FER: variants seen among roughly 807,000 people sequenced by gnomAD.
FER encodes FER tyrosine kinase.
FER carries 63 observed loss-of-function variants against 111.0 expected under a neutral mutation model. The observed-to-expected ratio is 0.57, with a 90% CI of 0.46 to 0.70. FER has a LOEUF of 0.70. FER is among the 30% of genes least tolerant of loss of function. FER has a pLI of 0.00. For missense variants in FER, 914 were observed against 954.0 expected (o/e 0.96, Z 0.55); for synonymous variants, 327 against 313.9 (o/e 1.04, Z -0.44).
chr5:109,175,869 T>C (rs1757625644), intron 17 of FER, among the ~76,000 whole-genome samples: 1 of 152,136 alleles, frequency 6.6e-6, no homozygotes, highest in African/African-American at 2.4e-5. Context: ...ATTCCAACAC[T>C]TTGGGAGGCC....
At chr5:109,029,245 CT>C (rs367692424) in intron 13 of FER, among the ~76,000 whole-genome samples, 1,620 of 125,902 alleles carry the variant, frequency 0.013, 23 homozygotes, top group African/African-American at 0.045. Flanking sequence ...TTCTTCTTAC[CT>C]TTTTTTTTTT....
At chr5:108,875,537 G>T (rs982328189) in intron 8 of FER, among the ~76,000 whole-genome samples, 3 of 151,808 alleles carry the variant, frequency 2.0e-5, no homozygotes, top group African/African-American at 7.3e-5. Context: ...AATAATTTGG[G>T]ACTCAGTAAT....
At chr5:108,768,550 C>T (rs1414725420) in intron 2 of FER, among the ~76,000 whole-genome samples, 1 of 152,194 alleles carries the variant, frequency 6.6e-6, no homozygotes, top group African/African-American at 2.4e-5. Flanking sequence ...CCAAACTGAA[C>T]ATATCATATT....
chr5:109,196,643 GAA>G lies in FER; in HGVS notation c.*9070_*9071del, dbSNP rs1321090526. The G allele has an allele frequency of 6.6e-5, 10 of 152,092 alleles. No homozygotes were observed. The highest frequency in any genetic ancestry group is 8.8e-5 in the Non-Finnish European group (6 of 68,006). 9.4% of individuals were successfully genotyped at this position (152,092 alleles called of 1,614,324 possible). A position where few individuals can be genotyped will look rare whatever the true frequency, so the allele number is the denominator to read the frequency against. ...TATTTGTTAGTTTTTACATTCAAAA[GAA>G]ATACACTTTGAACTTTGGCTAACAT... On this transcript the variant is annotated 3_prime_UTR_variant, in exon 20 of 20. Coordinates refer to ENST00000281092, the MANE Select transcript of FER (RefSeq NM_005246.4).
At chr5:108,900,939 G>A (rs909549540) in intron 10 of FER, among the ~76,000 whole-genome samples, 18 of 152,148 alleles carry the variant, frequency 1.2e-4, no homozygotes, top group African/African-American at 4.3e-4. Flanking sequence ...AACTCATGTG[G>A]AAATTTAATT....
At chr5:108,825,616 G>C (rs1479356739) in intron 3 of FER, among the ~76,000 whole-genome samples, 1 of 152,144 alleles carries the variant, frequency 6.6e-6, no homozygotes, top group African/African-American at 2.4e-5. Context: ...ATCCTCCTCA[G>C]CTGACAGGAT....
intron 3 of FER, among the ~76,000 whole-genome samples, chr5:108,810,304 T>G (rs1370047384): frequency 6.6e-6 from 1 of 152,216 alleles, no homozygotes; most frequent in Admixed American, 6.5e-5. Context: ...GTGTGTATAC[T>G]TGATCCTCGC....
intron 17 of FER, among the ~76,000 whole-genome samples, chr5:109,111,290 A>G (rs925643145): frequency 2.6e-5 from 4 of 152,188 alleles, no homozygotes; most frequent in African/African-American, 9.7e-5. Flanking sequence ...TAACAAAAAC[A>G]ACAGATCATG....
intron 10 of FER, among the ~76,000 whole-genome samples, chr5:108,904,802 A>G (rs1049398952): frequency 5.9e-5 from 9 of 152,206 alleles, no homozygotes; most frequent in Admixed American, 5.2e-4. Flanking sequence ...AGTTATAGAT[A>G]TTAATTATAA....
In FER at chr5:109,022,691, G is replaced by A. The variant is rs73211595; in HGVS notation, c.1657-14731G>A. Among the ~76,000 whole-genome samples, 1,318 of 152,166 alleles carry A rather than the reference G, an allele frequency of 8.7e-3. 19 individuals are homozygous for A. The highest frequency in any genetic ancestry group is 0.03 in the African/African-American group (1,252 of 41,514). On this transcript the variant is annotated intron_variant, in intron 13 of 19. Coordinates refer to ENST00000281092, the MANE Select transcript of FER (RefSeq NM_005246.4). ...AGATAAAGTTTCTCTGAGGAGACAC[G>A]ATTCAAGTCAAGACCTGGAACATGA...
intron 10 of FER, among the ~76,000 whole-genome samples, chr5:108,928,136 G>C (rs1203376837): frequency 1.3e-5 from 2 of 152,138 alleles, no homozygotes; most frequent in Non-Finnish European, 2.9e-5. Context: ...TAGTTTGTTC[G>C]TTCCTTTTTT....
At chr5:108,779,434 CTCT>C (rs1465421641) in intron 2 of FER, among the ~76,000 whole-genome samples, 1 of 152,074 alleles carries the variant, frequency 6.6e-6, no homozygotes, top group Non-Finnish European at 1.5e-5. Flanking sequence ...CATGGAATAT[CTCT>C]TCATTTATTT....
At chr5:108,817,137 A>AAG (rs1758370825) in intron 3 of FER, among the ~76,000 whole-genome samples, 1 of 141,508 alleles carries the variant, frequency 7.1e-6, no homozygotes, top group Non-Finnish European at 1.5e-5. Context: ...AAAAAAAAAA[A>AAG]GCTTGCAGTT....
chr5:109,186,097 C>T, intron 18 of FER, 103 bp from the exon 19 acceptor site: 7 of 1,506,724 alleles, frequency 4.6e-6, no homozygotes, highest in Non-Finnish European at 6.4e-6. Flanking sequence ...ATTGACCAAA[C>T]ATCATTATGT....
intron 17 of FER, among the ~76,000 whole-genome samples, chr5:109,112,695 G>A (rs1342655454): frequency 2.0e-5 from 3 of 152,138 alleles, no homozygotes; most frequent in Non-Finnish European, 4.4e-5. Flanking sequence ...TCTTTATGAG[G>A]AGAGAGGGGA....
chr5:108,804,619 C>T (rs562819517), intron 3 of FER, among the ~76,000 whole-genome samples: 220 of 152,194 alleles, frequency 1.4e-3, no homozygotes, highest in African/African-American at 5.1e-3. Flanking sequence ...TGATTGTGTT[C>T]GTGTGACAAA....
At chr5:109,094,126 A>G (rs1747174484) in intron 16 of FER, among the ~76,000 whole-genome samples, 1 of 151,264 alleles carries the variant, frequency 6.6e-6, no homozygotes, top group African/African-American at 2.4e-5. Flanking sequence ...AAATTTGTGT[A>G]TCAGCCTCCA....
rs865981326 is a variant in FER, at chr5:108,757,338, A to G, written c.-206+9338A>G. ...GCTTTGTTCTGTTTGAGATTGTCCT[A>G]AACTATAACTTCTGTGAAGTTATAA... On this transcript the variant is annotated intron_variant, in intron 1 of 19. Transcript: ENST00000281092. Among the ~76,000 whole-genome samples the G allele has an allele frequency of 3.9e-5, 6 of 152,284 alleles. No individual in the cohort carries two copies. In the South Asian group the frequency reaches 8.3e-4, roughly 21 times the overall value.
chr5:108,775,607 T>G (rs988355320), intron 2 of FER, among the ~76,000 whole-genome samples: 5 of 152,186 alleles, frequency 3.3e-5, no homozygotes, highest in Admixed American at 2.0e-4. Flanking sequence ...ATTAATTGTT[T>G]TCTCTCAGTG....
Sources: gnomAD v4.1 joint callset for allele counts (sites outside exome capture counted in the v4.1 genomes callset) on GRCh38, gnomAD v4.1.1 for gene constraint, MANE v1.5 for transcripts, NCBI Gene and HGNC (gene_info 2026-07-23, HGNC 2026-07-21) for gene names.